The following CFAP46 variants were observed in gnomAD, a reference collection of about 807,000 sequenced individuals.
The protein encoded by CFAP46 is cilia- and flagella-associated protein 46.
Under a neutral mutation model 325.7 loss-of-function variants are expected in CFAP46, and 245 were observed. The ratio of observed to expected loss-of-function variants is 0.75; its 90% CI spans 0.68 to 0.84. CFAP46 has a LOEUF of 0.84. Ranked by LOEUF, CFAP46 falls within the 40% of genes least tolerant of loss-of-function variation. The pLI is 0.00. For synonymous variants in CFAP46, 1,523 were observed against 1,495.9 expected, an observed-to-expected ratio of 1.02 and a Z score of -0.42; for missense variants, 3,346 against 3,543.0, an observed-to-expected ratio of 0.94 and a Z score of 1.41.
chr10:132,852,044 C>T (rs577033063), intron 39 of CFAP46, among the ~76,000 whole-genome samples: 1 of 152,140 alleles, frequency 6.6e-6, no homozygotes, highest in African/African-American at 2.4e-5. Context: ...TCCTGATCCA[C>T]AGACGTGGTA....
At chr10:132,909,347 C>A in intron 20 of CFAP46, 103 bp from the exon 21 acceptor site, 1 of 815,732 alleles carries the variant, frequency 1.2e-6, no homozygotes, top group South Asian at 1.6e-5. Context: ...TGGCAATAAT[C>A]AGACCACAAA....
chr10:132,890,925 T>C (rs1849245310), intron 25 of CFAP46, among the ~76,000 whole-genome samples: 1 of 152,352 alleles, frequency 6.6e-6, no homozygotes, highest in African/African-American at 2.4e-5. Context: ...TTCCACAGCA[T>C]TTAAAGATTT....
rs567037088 is a variant in CFAP46, at chr10:132,889,839, G to C, written c.3304+2494C>G. Among the ~76,000 whole-genome samples, 7 of 152,340 alleles carry C rather than the reference G, an allele frequency of 4.6e-5. No individual in the cohort carries two copies. Among genetic ancestry groups the C allele is most frequent in the African/African-American group, 1.4e-4 (6 of 41,576 alleles). ...CTGGGCCTCGTGTTTCCACAGCACAGCATGGCCGTCCCGCCTGATTAAAGT... is the reference window on the plus strand; with the variant it reads ...CTGGGCCTCGTGTTTCCACAGCACACCATGGCCGTCCCGCCTGATTAAAGT... On this transcript the variant is annotated intron_variant, in intron 25 of 57. Transcript: ENST00000368586. This position sits in a 1 kb window ranked among gnomAD's most constrained non-coding sequence, Gnocchi z 6.0.
chr10:132,899,388 G>T (rs1849362848), intron 23 of CFAP46, 147 bp downstream of exon 23: 1 of 1,182,738 alleles, frequency 8.5e-7, no homozygotes. Flanking sequence ...TGAAGACTGT[G>T]CCCTGAACTG....
At chr10:132,936,887 T>G in intron 7 of CFAP46, 74 bp downstream of exon 7, 1 of 832,812 alleles carries the variant, frequency 1.2e-6, no homozygotes, top group Non-Finnish European at 1.8e-6. Context: ...CCTCCCCCCA[T>G]GGAGGGGACA....
At chr10:132,905,748 C>T (rs965662718) in intron 22 of CFAP46, among the ~76,000 whole-genome samples, 1 of 152,234 alleles carries the variant, frequency 6.6e-6, no homozygotes, top group African/African-American at 2.4e-5. Flanking sequence ...TCCAGAGACA[C>T]CTCTGATCCT....
intron 36 of CFAP46, 103 bp downstream of exon 36, chr10:132,860,679 G>C: frequency 7.6e-7 from 1 of 1,315,706 alleles, no homozygotes; most frequent in Non-Finnish European, 1.1e-6. Flanking sequence ...ATCCAGGCGT[G>C]TCATCAGCGG....
In CFAP46 at chr10:132,825,199, CTG is replaced by C. The variant is rs1296245985; in HGVS notation, c.7117+8157_7117+8158del. On this transcript the variant is annotated intron_variant, in intron 50 of 57. Transcript: ENST00000368586. ...GTGTGTGTGCTGTGTGCTGTGTGCG[CTG>C]TGTGCTGTGTGTGTGCCCTGATGTG... Among the ~76,000 whole-genome samples, 4 of 133,608 alleles carry C rather than the reference CTG, an allele frequency of 3.0e-5. No individual in the cohort carries two copies. In the Admixed American group the frequency reaches 3.1e-4, roughly 10 times the overall value. 87.7% of individuals were successfully genotyped at this position (133,608 alleles called of 152,430 possible). A position where few individuals can be genotyped will look rare whatever the true frequency, so the allele number is the denominator to read the frequency against.
At chr10:132,846,689 G>A (rs1421697645) in intron 43 of CFAP46, among the ~76,000 whole-genome samples, 2 of 152,234 alleles carry the variant, frequency 1.3e-5, no homozygotes. Context: ...ACGGGGCCCT[G>A]CTGGCCTGTG....
At chr10:132,933,579 C>A (rs1849947008) in intron 8 of CFAP46, among the ~76,000 whole-genome samples, 1 of 152,240 alleles carries the variant, frequency 6.6e-6, no homozygotes, top group South Asian at 2.1e-4. Flanking sequence ...CTCCCAAAAA[C>A]AGACCCACCA....
At chr10:132,929,630 C>A in intron 9 of CFAP46, 75 bp downstream of exon 9, 1 of 1,414,028 alleles carries the variant, frequency 7.1e-7, no homozygotes. Flanking sequence ...ACTGCTCTTC[C>A]TTTCTTTGCC....
intron 9 of CFAP46, chr10:132,929,122 G>A (rs1043447478): frequency 9.3e-6 from 2 of 215,148 alleles, no homozygotes; most frequent in South Asian, 1.1e-4. Context: ...GGAGTAGTCC[G>A]AAACCCGATT....
chr10:132,931,218 C>T, intron 8 of CFAP46, among the ~76,000 whole-genome samples: 1 of 101,294 alleles, frequency 9.9e-6, no homozygotes, highest in African/African-American at 4.0e-5. Context: ...CTTCCCCACA[C>T]TCCCCACACA....
At chr10:132,926,077 T>C (rs1430628450) in intron 10 of CFAP46, among the ~76,000 whole-genome samples, 1 of 152,252 alleles carries the variant, frequency 6.6e-6, no homozygotes, top group East Asian at 1.9e-4. Flanking sequence ...GTGGCTGCTA[T>C]TCCAGAGCCT....
At chr10:132,837,663 A>C (rs530245070) in intron 44 of CFAP46, among the ~76,000 whole-genome samples, 10 of 148,712 alleles carry the variant, frequency 6.7e-5, no homozygotes, top group Non-Finnish European at 1.5e-4. Flanking sequence ...AGATGCACAC[A>C]GACATGCACG....
At position 132,880,988 on chromosome 10, in the gene CFAP46, G is replaced by T. The variant is rs575415167; in HGVS notation, c.3672C>A (p.Phe1224Leu). The change falls in exon 28 of 58, where the codon TTC (phenylalanine) becomes TTA (leucine). Residue 1224 changes from phenylalanine (F) to leucine (L), a missense_variant. Physicochemically the swap from Phe to Leu is conservative, Grantham distance 22. Transcript: ENST00000368586. ...EWQKVEYLME[F>L]GQWLHHRHFP... ...AGTGTCTGTGATGGAGCCACTGGCCGAACTCCATGAGGTACTCCACCTTCT... is the reference window on the plus strand; with the variant it reads ...AGTGTCTGTGATGGAGCCACTGGCCTAACTCCATGAGGTACTCCACCTTCT... 5.2e-6 allele frequency: 8 copies of T among 1,550,396 alleles called. No individual in the cohort carries two copies. Among genetic ancestry groups the T allele is most frequent in the Non-Finnish European group, 7.0e-6 (8 of 1,146,970 alleles).
intron 17 of CFAP46, among the ~76,000 whole-genome samples, chr10:132,914,026 C>CACCCTGAG: frequency 6.6e-6 from 1 of 151,624 alleles, no homozygotes; most frequent in Non-Finnish European, 1.5e-5. Context: ...CTCTGGCCCC[C>CACCCTGAG]GCCCCGAGGC....
chr10:132,857,530 T>C, intron 39 of CFAP46, 60 bp downstream of exon 39: 2 of 1,536,842 alleles, frequency 1.3e-6, no homozygotes, highest in Non-Finnish European at 8.8e-7. Flanking sequence ...TAAGTTACAG[T>C]GGGGTTTATA....
intron 22 of CFAP46, among the ~76,000 whole-genome samples, chr10:132,901,329 T>C (rs943646462): frequency 4.1e-4 from 63 of 152,272 alleles, no homozygotes; most frequent in Admixed American, 3.3e-4. Context: ...GCTTTCCTTT[T>C]GACTTACATG....
Sources: gnomAD v4.1 joint callset for allele counts (sites outside exome capture counted in the v4.1 genomes callset) on GRCh38, gnomAD v4.1.1 for gene constraint, Gnocchi (gnomAD v3.1) non-coding constraint, MANE v1.5 for transcripts, NCBI Gene and HGNC (gene_info 2026-07-23, HGNC 2026-07-21) for gene names.